S100A13: variants seen among roughly 807,000 people sequenced by gnomAD.
The protein encoded by S100A13 is protein S100-A13.
Under a neutral mutation model 8.2 loss-of-function variants are expected in S100A13, and 6 were observed. That is an observed-to-expected ratio of 0.73 (90% CI 0.40 to 1.44). The LOEUF (loss-of-function observed/expected upper bound fraction) is 1.44, where lower values mean the gene tolerates loss of function less well. Ranked by LOEUF, S100A13 falls within the 40% of genes most tolerant of loss-of-function variation. S100A13 has a pLI of 0.02. For synonymous variants in S100A13, 39 were observed against 45.9 expected (o/e 0.85, Z 0.61); for missense variants, 114 against 113.6 (o/e 1.00, Z -0.02).
chr1:153,620,845 C>T (rs1447865520), intron 2 of S100A13, among the ~76,000 whole-genome samples: 1 of 151,980 alleles, frequency 6.6e-6, no homozygotes, highest in Non-Finnish European at 1.5e-5. Flanking sequence ...GTGAGAGGAT[C>T]GCTTGAGCCC....
upstream of S100A13, chr1:153,628,395 A>C: frequency 6.5e-7 from 1 of 1,549,292 alleles, no homozygotes; most frequent in Non-Finnish European, 8.7e-7. Context: ...TCAGCGGGGG[A>C]GGGACTGTTG....
upstream of S100A13, chr1:153,628,504 C>T (rs1026588489): frequency 6.4e-7 from 1 of 1,550,542 alleles, no homozygotes; most frequent in South Asian, 1.2e-5. Context: ...ACCGTGAGTA[C>T]CCTGCCCCAC....
chr1:153,631,706 G>T, upstream of S100A13: 1 of 1,614,170 alleles, frequency 6.2e-7, no homozygotes, highest in African/African-American at 1.3e-5. Flanking sequence ...AGGCCCAGAA[G>T]GATGTGGATG....
upstream of S100A13, chr1:153,632,959 C>T (rs925871201): frequency 5.9e-5 from 9 of 152,028 alleles, no homozygotes; most frequent in African/African-American, 2.2e-4. Flanking sequence ...CACTTGAGGT[C>T]AGGAGTTGGA....
chr1:153,622,478 T>C (rs1002998432), intron 2 of S100A13, among the ~76,000 whole-genome samples: 1 of 152,200 alleles, frequency 6.6e-6, no homozygotes, highest in Non-Finnish European at 1.5e-5. Context: ...AAACAGATAT[T>C]TGCAAGAAGG....
At chr1:153,628,397 G>A (rs1289896529), upstream of S100A13, 3 of 1,549,966 alleles carry the variant, frequency 1.9e-6, no homozygotes, top group Non-Finnish European at 2.6e-6. Context: ...AGCGGGGGAG[G>A]GACTGTTGAA....
At chr1:153,632,074 G>A (rs941937824), upstream of S100A13, 13 of 553,956 alleles carry the variant, frequency 2.3e-5, no homozygotes, top group Non-Finnish European at 3.9e-5. Context: ...CTGGAAGTGG[G>A]TGGAGACGTG....
At chr1:153,631,480 G>T, upstream of S100A13, 1 of 1,599,932 alleles carries the variant, frequency 6.3e-7, no homozygotes, top group Non-Finnish European at 8.5e-7. Context: ...TGAACATACG[G>T]TAACTGGTGT....
upstream of S100A13, chr1:153,628,483 G>T (rs1405888890): frequency 3.2e-6 from 5 of 1,550,604 alleles, no homozygotes; most frequent in Non-Finnish European, 4.4e-6. Context: ...TCCCACCTCA[G>T]GCCCAGGCCA....
At chr1:153,631,888 C>A (rs1392386160), upstream of S100A13, 1 of 1,594,854 alleles carries the variant, frequency 6.3e-7, no homozygotes, top group East Asian at 2.2e-5. Context: ...CCCTCCCAGA[C>A]CTGCCTCTTC....
intron 2 of S100A13, among the ~76,000 whole-genome samples, chr1:153,623,247 T>C (rs966558852): frequency 2.6e-5 from 4 of 152,130 alleles, no homozygotes; most frequent in Admixed American, 2.0e-4. Flanking sequence ...TGGAGTGCAG[T>C]GGGTGAGAGG....
upstream of S100A13, chr1:153,631,475 A>G (rs764118984): frequency 6.9e-6 from 11 of 1,595,008 alleles, no homozygotes; most frequent in Non-Finnish European, 9.4e-6. Context: ...GGCACTGAAC[A>G]TACGGTAACT....
intron 2 of S100A13, among the ~76,000 whole-genome samples, chr1:153,625,170 C>A (rs1439902046): frequency 6.6e-6 from 1 of 152,026 alleles, no homozygotes; most frequent in African/African-American, 2.4e-5. Context: ...CCCGGAAGGT[C>A]AAGGATGCAA....
At chr1:153,622,135 C>T (rs1040546825) in intron 2 of S100A13, among the ~76,000 whole-genome samples, 6 of 151,722 alleles carry the variant, frequency 4.0e-5, no homozygotes, top group African/African-American at 1.5e-4. Context: ...TTTGGGAGGC[C>T]GAGGCAGGCA....
rs1360621896 is a variant in S100A13 at position 153,626,345 on chromosome 1, G to C, written c.128C>G (p.Thr43Ser). Residue 43 changes from threonine (T) to serine (S), a missense_variant, in exon 2 of 3, where the codon ACC (threonine) becomes AGC (serine). Transcript: ENST00000476133. ...CTTGAGCAGATGGGGCAACTGCTGG[G>C]TAACCAGCTCTTTGAACTCGTTGAC... ...LSVNEFKELVTQQLPHLLKDV... is the reference protein window; with the variant it reads ...LSVNEFKELVSQQLPHLLKDV... 2 of 1,614,022 alleles carry C rather than the reference G, an allele frequency of 1.2e-6. No homozygotes were observed. The highest frequency in any genetic ancestry group is 2.7e-5 in the African/African-American group (2 of 74,912).
upstream of S100A13, chr1:153,628,626 G>A (rs562743076): frequency 1.8e-5 from 26 of 1,414,970 alleles, no homozygotes; most frequent in South Asian, 3.7e-4. Flanking sequence ...AGTCAGTCAG[G>A]GTGAGGGCAG....
upstream of S100A13, chr1:153,632,042 C>T (rs917754425): frequency 9.8e-6 from 6 of 609,256 alleles, no homozygotes; most frequent in African/African-American, 7.5e-5. Context: ...ACCAGCCATC[C>T]GATGTCTGTC....
At chr1:153,619,059 A>G (rs747505708) in intron 2 of S100A13, 21 bp from the exon 3 acceptor site, 13 of 1,608,370 alleles carry the variant, frequency 8.1e-6, no homozygotes, top group Non-Finnish European at 1.0e-5. Flanking sequence ...ACCAAAGGGA[A>G]GGGTAGAGTT....
upstream of S100A13, chr1:153,630,285 C>T (rs1435434317): frequency 1.8e-6 from 1 of 559,438 alleles, no homozygotes; most frequent in Non-Finnish European, 3.1e-6. Context: ...CTGATTCCCT[C>T]TGGCTGGGGT....
Sources: allele counts gnomAD v4.1 joint callset (sites outside exome capture counted in the v4.1 genomes callset), GRCh38; gene constraint gnomAD v4.1.1; transcripts MANE v1.5; gene names NCBI Gene and HGNC (gene_info 2026-07-23, HGNC 2026-07-21).